The following PDIA3 variants were observed in gnomAD, a reference collection of about 807,000 sequenced individuals.
PDIA3 encodes the protein protein disulfide isomerase family A member 3, also known as protein disulfide-isomerase A3.
In PDIA3, 16 loss-of-function variants were observed where a neutral mutation model predicts 56.9. That is an observed-to-expected ratio of 0.28 (90% CI 0.19 to 0.43). The LOEUF (loss-of-function observed/expected upper bound fraction) is 0.43, where lower values mean the gene tolerates loss of function less well. Ranked by LOEUF, PDIA3 falls within the 20% of genes least tolerant of loss-of-function variation. The pLI, the probability that PDIA3 is intolerant of heterozygous loss-of-function variation, is 1.00. For missense variants in PDIA3, 485 were observed against 621.3 expected (o/e 0.78, Z 2.33); for synonymous variants, 192 against 216.5 (o/e 0.89, Z 0.99).
At position 43,771,748 on chromosome 15, in the gene PDIA3, C is replaced by T. The variant is rs2086883423; in HGVS notation, c.*530C>T. 5.0e-6 allele frequency: 2 copies of T among 397,698 alleles called. No individual in the cohort carries two copies. The highest frequency in any genetic ancestry group is 2.1e-5 in the African/African-American group (1 of 48,632). The allele number at this position is 397,698 out of a possible 1,614,324, so 24.6% of individuals were successfully genotyped here. A position where few individuals can be genotyped will look rare whatever the true frequency, so the allele number is the denominator to read the frequency against. The stretch of plus-strand genomic sequence containing the variant: ...GTTGCTACCATACTGGTCACGGCAG[C>T]TGTAGACTGACTGGGTCCATAGTTC... On this transcript the variant is annotated 3_prime_UTR_variant, in exon 13 of 13. Coordinates refer to ENST00000300289, the MANE Select transcript of PDIA3 (RefSeq NM_005313.5).
chr15:43,748,062 A>G (rs1246852380), intron 1 of PDIA3, among the ~76,000 whole-genome samples: 1 of 152,202 alleles, frequency 6.6e-6, no homozygotes, highest in African/African-American at 2.4e-5. Context: ...AATAATTTGT[A>G]AAAACTGGGG....
chr15:43,753,224 C>G (rs954871250), intron 1 of PDIA3, among the ~76,000 whole-genome samples: 2 of 152,062 alleles, frequency 1.3e-5, no homozygotes, highest in African/African-American at 4.8e-5. Context: ...ATTACAGGTG[C>G]CCACCACCAC....
At chr15:43,752,526 T>C (rs554252443) in intron 1 of PDIA3, among the ~76,000 whole-genome samples, 1 of 152,310 alleles carries the variant, frequency 6.6e-6, no homozygotes, top group East Asian at 1.9e-4. Flanking sequence ...CTGAAAAACA[T>C]AGCCAGTACA....
rs1322714999 is a variant in PDIA3, at chr15:43,773,124, C to T, written c.*1906C>T. 4 of 1,606,338 alleles carry T rather than the reference C, an allele frequency of 2.5e-6. No homozygotes were observed. The highest frequency in any genetic ancestry group is 3.4e-6 in the Non-Finnish European group (4 of 1,177,814). ...AAATTCCCTTGATAACTTCAGCTGC[C>T]CCTGTTCTTTTCCTCAAACTCCAGG... On this transcript the variant is annotated 3_prime_UTR_variant, in exon 13 of 13. Transcript: ENST00000300289.
Position 43,760,530 on chromosome 15 carries a change from CTT to C in PDIA3, c.365-879_365-878del, listed in dbSNP as rs199578385. 9.3e-4 allele frequency among the ~76,000 whole-genome samples: 109 copies of C among 116,732 alleles called. 1 individual carries two copies. The highest frequency in any genetic ancestry group is 6.5e-3 in the South Asian group (22 of 3,366). The allele number at this position is 116,732 out of a possible 152,430, so 76.6% of individuals were successfully genotyped here. A position where few individuals can be genotyped will look rare whatever the true frequency, so the allele number is the denominator to read the frequency against. Reference sequence around the variant, plus strand: ...AACAATGTTTCTGTTAAAAAAAAAACTTTTTTTTTTTTTTTTGAGACAGAGTC... The same window carrying C: ...AACAATGTTTCTGTTAAAAAAAAAACTTTTTTTTTTTTTTGAGACAGAGTC... On this transcript the variant is annotated intron_variant, in intron 3 of 12. Coordinates refer to ENST00000300289, the MANE Select transcript of PDIA3 (RefSeq NM_005313.5).
Position 43,772,954 on chromosome 15 carries a change from A to T in PDIA3, c.*1736A>T. ...CAGTGCCCATACCCTAAAAATTAAT[A>T]ATGAAAACCAAACCTCAAGAACCTA... On this transcript the variant is annotated 3_prime_UTR_variant, in exon 13 of 13. Coordinates refer to ENST00000300289, the MANE Select transcript of PDIA3 (RefSeq NM_005313.5). The T allele has an allele frequency of 1.6e-6, 1 of 638,664 alleles. No individual in the cohort carries two copies. The highest frequency in any genetic ancestry group is 2.6e-6 in the Non-Finnish European group (1 of 378,924). The allele number at this position is 638,664 out of a possible 1,614,324, so 39.6% of individuals were successfully genotyped here. A position where few individuals can be genotyped will look rare whatever the true frequency, so the allele number is the denominator to read the frequency against.
chr15:43,748,023 A>G (rs2923050), intron 1 of PDIA3, among the ~76,000 whole-genome samples: 2 of 152,302 alleles, frequency 1.3e-5, no homozygotes, highest in South Asian at 2.1e-4. Flanking sequence ...CCAATTATAT[A>G]ATCATGCTGT....
rs139502481 is a variant in PDIA3 at position 43,753,843 on chromosome 15, C to A, written c.187C>A (p.Leu63Ile). The change falls in exon 2 of 13, where the codon CTT becomes ATT. Residue 63 changes from leucine to isoleucine, a missense_variant. By Grantham distance (5) the Leu-to-Ile change is conservative. Coordinates refer to ENST00000300289, the MANE Select transcript of PDIA3 (RefSeq NM_005313.5). ...ATATAGGTGTGGACACTGCAAGAGA[C>A]TTGCACCTGAGTATGAAGCTGCAGC... is the stretch of plus-strand genomic sequence containing the variant. Reference protein sequence around the residue: ...FAPWCGHCKRLAPEYEAAATR... With the variant: ...FAPWCGHCKRIAPEYEAAATR... 10 of 1,613,294 alleles carry A rather than the reference C, an allele frequency of 6.2e-6. No homozygotes were observed. Among genetic ancestry groups the A allele is most frequent in the African/African-American group, 1.3e-5 (1 of 74,892 alleles).
At chr15:43,748,814 G>C (rs1330524254) in intron 1 of PDIA3, among the ~76,000 whole-genome samples, 1 of 151,440 alleles carries the variant, frequency 6.6e-6, no homozygotes, top group African/African-American at 2.4e-5. Context: ...TGTTGCCCAG[G>C]CTAGAGTGCC....
chr15:43,769,940 T>G (rs1008096239), intron 10 of PDIA3, among the ~76,000 whole-genome samples: 1 of 152,210 alleles, frequency 6.6e-6, no homozygotes, highest in Non-Finnish European at 1.5e-5. Flanking sequence ...TCCTTCATCT[T>G]AAAACATTTG....
intron 3 of PDIA3, among the ~76,000 whole-genome samples, chr15:43,758,177 C>T (rs1012442292): frequency 1.3e-5 from 2 of 151,294 alleles, no homozygotes; most frequent in African/African-American, 2.4e-5. Flanking sequence ...GGCGGGGTTG[C>T]GGTGAGCCAA....
At chr15:43,757,431 G>A (rs906206925) in intron 3 of PDIA3, among the ~76,000 whole-genome samples, 11 of 151,762 alleles carry the variant, frequency 7.2e-5, no homozygotes, top group African/African-American at 1.2e-4. Context: ...GGTGGCGGGC[G>A]CCTGTAGTCC....
At chr15:43,762,511 CAAAAA>C (rs767755194) in intron 4 of PDIA3, among the ~76,000 whole-genome samples, 3 of 55,950 alleles carry the variant, frequency 5.4e-5, no homozygotes, top group African/African-American at 7.0e-5. Flanking sequence ...AACTCTGTCG[CAAAAA>C]AAAAAAAAAA....
chr15:43,755,563 A>G (rs1006266403), intron 2 of PDIA3, among the ~76,000 whole-genome samples: 3 of 152,218 alleles, frequency 2.0e-5, no homozygotes, highest in African/African-American at 4.8e-5. Flanking sequence ...TAGTTCATAT[A>G]TAAGGCTATT....
rs980579137 is a variant in PDIA3 at position 43,772,956 on chromosome 15, T to C, written c.*1738T>C. ...GTGCCCATACCCTAAAAATTAATAA[T>C]GAAAACCAAACCTCAAGAACCTAGA... On this transcript the variant is annotated 3_prime_UTR_variant, in exon 13 of 13. Transcript: ENST00000300289. 3.0e-6 allele frequency: 2 copies of C among 656,864 alleles called. No individual in the cohort carries two copies. Among genetic ancestry groups the C allele is most frequent in the Non-Finnish European group, 5.1e-6 (2 of 394,494 alleles). 40.7% of individuals were successfully genotyped at this position (656,864 alleles called of 1,614,324 possible). A position where few individuals can be genotyped will look rare whatever the true frequency, so the allele number is the denominator to read the frequency against.
At chr15:43,746,807 C>G in intron 1 of PDIA3, 101 bp downstream of exon 1, 2 of 1,253,560 alleles carry the variant, frequency 1.6e-6, no homozygotes, top group Non-Finnish European at 2.3e-6. Context: ...GCCCTTCATT[C>G]CTGTGGGCCC....
chr15:43,761,292 C>A, intron 3 of PDIA3, 132 bp from the exon 4 acceptor site: 2 of 440,690 alleles, frequency 4.5e-6, no homozygotes, highest in Non-Finnish European at 8.3e-6. Flanking sequence ...AACTGGGTGA[C>A]TAGGGACAAG....
chr15:43,766,494 T>C (rs1596024527), intron 7 of PDIA3, among the ~76,000 whole-genome samples: 1 of 152,240 alleles, frequency 6.6e-6, no homozygotes, highest in African/African-American at 2.4e-5. Flanking sequence ...CAGCAAGATT[T>C]AGCAGGAATG....
intron 2 of PDIA3, among the ~76,000 whole-genome samples, chr15:43,754,313 G>A (rs1445043938): frequency 6.8e-6 from 1 of 147,866 alleles, no homozygotes; most frequent in African/African-American, 2.5e-5. Flanking sequence ...AGAATTGCTT[G>A]AACCCAGGAG....
Sources: gnomAD v4.1 joint callset for allele counts (sites outside exome capture counted in the v4.1 genomes callset) on GRCh38, gnomAD v4.1.1 for gene constraint, MANE v1.5 for transcripts, NCBI Gene and HGNC (gene_info 2026-07-23, HGNC 2026-07-21) for gene names.